Variants in VPS35L observed in about 807,000 individuals in gnomAD.
The protein encoded by VPS35L is VPS35 endosomal protein sorting factor like.
Under a neutral mutation model 133.0 loss-of-function variants are expected in VPS35L, and 83 were observed. That is an observed-to-expected ratio of 0.62 (90% CI 0.52 to 0.75). The LOEUF (loss-of-function observed/expected upper bound fraction) is 0.75, where lower values mean the gene tolerates loss of function less well. VPS35L is among the 30% of genes least tolerant of loss of function. VPS35L has a pLI of 0.00. For missense variants in VPS35L, 1,083 were observed against 1,206.8 expected, an observed-to-expected ratio of 0.90 and a Z score of 1.52; for synonymous variants, 423 against 449.9, an observed-to-expected ratio of 0.94 and a Z score of 0.76.
chr16:19,600,449 T>A (rs539725183), intron 8 of VPS35L, among the ~76,000 whole-genome samples: 1 of 151,946 alleles, frequency 6.6e-6, no homozygotes, highest in East Asian at 1.9e-4. Context: ...TTGTGTAGAG[T>A]TTTATTGGAA....
chr16:19,666,935 C>T (rs143824032), intron 26 of VPS35L, among the ~76,000 whole-genome samples: 368 of 58,830 alleles, frequency 6.3e-3, no homozygotes, highest in Non-Finnish European at 9.9e-3. Context: ...TTTCTTTCTT[C>T]CTTTCTTCCT....
intron 26 of VPS35L, among the ~76,000 whole-genome samples, chr16:19,666,951 C>T (rs12919006): frequency 2.2e-4 from 19 of 86,868 alleles, no homozygotes; most frequent in Non-Finnish European, 2.7e-4. Context: ...TTCCTTTCTT[C>T]CTTTCTTCCT....
chr16:19,630,284 CCCT>C (rs1973405204), intron 18 of VPS35L, among the ~76,000 whole-genome samples: 1 of 151,424 alleles, frequency 6.6e-6, no homozygotes, highest in African/African-American at 2.4e-5. Flanking sequence ...GGGTTCAAAA[CCCT>C]TGCCAGAGTA....
Position 19,591,884 on chromosome 16 carries a change from T to G in VPS35L, c.724+10T>G, listed in dbSNP as rs760316755. 1 of 1,570,320 alleles carries G rather than the reference T, an allele frequency of 6.4e-7. No homozygotes were observed. On this transcript the variant is annotated intron_variant, in intron 8 of 30. Transcript: ENST00000417362. ...ATACTTGATACATTTGGTAAGTACC[T>G]GTCATATGCATCTTAGATCTAGGAA... is the stretch of plus-strand genomic sequence containing the variant.
intron 9 of VPS35L, among the ~76,000 whole-genome samples, chr16:19,605,038 C>A (rs1293978195): frequency 6.6e-6 from 1 of 152,158 alleles, no homozygotes; most frequent in Non-Finnish European, 1.5e-5. Context: ...TCAGTTTTCC[C>A]CTGTGGCTGA....
intron 28 of VPS35L, among the ~76,000 whole-genome samples, chr16:19,683,576 T>G (rs1975360740): frequency 6.6e-6 from 1 of 152,218 alleles, no homozygotes; most frequent in Admixed American, 6.5e-5. Flanking sequence ...TCTGCACTAG[T>G]TCACTTAGGA....
chr16:19,633,545 C>G lies in VPS35L; in HGVS notation c.1635+373C>G, dbSNP rs1973525744. Among the ~76,000 whole-genome samples, 1 of 152,120 alleles carries G rather than the reference C, an allele frequency of 6.6e-6. No homozygotes were observed. Among genetic ancestry groups the G allele is most frequent in the African/African-American group, 2.4e-5 (1 of 41,410 alleles). On this transcript the variant is annotated intron_variant, in intron 19 of 30. Coordinates refer to ENST00000417362, the MANE Select transcript of VPS35L (RefSeq NM_020314.7). The surrounding 1 kb of genome is among the most constrained non-coding windows in gnomAD (Gnocchi z 4.1). ...TTTTCCTTTTTTTTTGAAACAGGGT[C>G]TCGCTCAGTCACGGAGGCTGGAGTG...
chr16:19,611,674 T>C (rs114003480), intron 12 of VPS35L: 1 of 152,076 alleles, frequency 6.6e-6, no homozygotes, highest in African/African-American at 2.4e-5. Context: ...TTCTTGATAC[T>C]GAGAATGAAA....
chr16:19,605,744 C>A (rs1202120394), intron 9 of VPS35L, among the ~76,000 whole-genome samples: 2 of 152,222 alleles, frequency 1.3e-5, no homozygotes, highest in African/African-American at 4.8e-5. Context: ...AAATCACACT[C>A]AAGTCACTCT....
At chr16:19,680,771 G>A (rs776504151) in intron 27 of VPS35L, among the ~76,000 whole-genome samples, 5 of 152,074 alleles carry the variant, frequency 3.3e-5, no homozygotes, top group African/African-American at 4.8e-5. Flanking sequence ...TTCGCCAAGC[G>A]TGGTGGTATG....
At chr16:19,608,774 A>G in intron 10 of VPS35L, 200 bp from the exon 11 acceptor site, 1 of 541,444 alleles carries the variant, frequency 1.8e-6, no homozygotes, top group South Asian at 3.0e-5. Context: ...AACATTTCCC[A>G]CAATTTATTT....
At chr16:19,595,432 T>G (rs1242542629) in intron 8 of VPS35L, among the ~76,000 whole-genome samples, 1 of 152,120 alleles carries the variant, frequency 6.6e-6, no homozygotes, top group Non-Finnish European at 1.5e-5. Context: ...CAGCTTACCT[T>G]CGGCGAGTGT....
chr16:19,594,777 A>G (rs983817475), intron 8 of VPS35L, among the ~76,000 whole-genome samples: 2 of 151,746 alleles, frequency 1.3e-5, no homozygotes, highest in African/African-American at 4.8e-5. Context: ...GATCCATGCT[A>G]TGGAGAAAAC....
chr16:19,644,338 GGATTTC>G (rs1316930738), intron 22 of VPS35L, among the ~76,000 whole-genome samples: 1 of 152,142 alleles, frequency 6.6e-6, no homozygotes, highest in African/African-American at 2.4e-5. Context: ...GGTGATGGCA[GGATTTC>G]GATGGTGTAT....
intron 8 of VPS35L, among the ~76,000 whole-genome samples, chr16:19,597,308 A>G (rs187397975): frequency 6.6e-6 from 1 of 151,922 alleles, no homozygotes; most frequent in African/African-American, 2.4e-5. Context: ...GAAGTTTGAG[A>G]CTGCAGTGAG....
chr16:19,685,723 AT>A (rs1975434366), intron 28 of VPS35L, among the ~76,000 whole-genome samples: 1 of 152,008 alleles, frequency 6.6e-6, no homozygotes, highest in Admixed American at 6.6e-5. Context: ...TGGAGTTTGC[AT>A]TTCTCTGATG....
chr16:19,595,931 G>T (rs1031306282), intron 8 of VPS35L, among the ~76,000 whole-genome samples: 1 of 152,160 alleles, frequency 6.6e-6, no homozygotes, highest in East Asian at 1.9e-4. Context: ...GGACCACAAG[G>T]TCAGGAGTTC....
intron 8 of VPS35L, 124 bp downstream of exon 8, chr16:19,591,998 G>C: frequency 1.4e-6 from 1 of 704,962 alleles, no homozygotes; most frequent in Non-Finnish European, 2.5e-6. Flanking sequence ...TCATGGGAGA[G>C]ATCAAACCGT....
At chr16:19,627,847 G>T in intron 16 of VPS35L, 42 bp downstream of exon 16, 2 of 1,451,038 alleles carry the variant, frequency 1.4e-6, no homozygotes, top group Non-Finnish European at 9.7e-7. Flanking sequence ...CAAATAAGCG[G>T]TGTGTATCTG....
Sources: gnomAD v4.1 joint callset for allele counts (sites outside exome capture counted in the v4.1 genomes callset) on GRCh38, gnomAD v4.1.1 for gene constraint, Gnocchi (gnomAD v3.1) non-coding constraint, MANE v1.5 for transcripts, NCBI Gene and HGNC (gene_info 2026-07-23, HGNC 2026-07-21) for gene names.